Variants in CPNE4 observed in about 807,000 individuals in gnomAD.
The protein encoded by CPNE4 is copine-4.
Under a neutral mutation model 67.9 loss-of-function variants are expected in CPNE4, and 25 were observed. The ratio of observed to expected loss-of-function variants is 0.37; its 90% CI spans 0.27 to 0.51. The LOEUF (loss-of-function observed/expected upper bound fraction) is 0.51. Among genes scored for constraint, CPNE4 ranks in the 20% least tolerant of loss-of-function variants. CPNE4 has a pLI of 0.93. For synonymous variants in CPNE4, 242 were observed against 244.9 expected (o/e 0.99, Z 0.11); for missense variants, 464 against 690.8 (o/e 0.67, Z 3.68).
chr3:131,764,545 A>T (rs1045199110), intron 2 of CPNE4, among the ~76,000 whole-genome samples: 2 of 152,142 alleles, frequency 1.3e-5, no homozygotes, highest in Admixed American at 1.3e-4. Flanking sequence ...TGCTAGCTAT[A>T]CTGTGGTGAA....
intron 1 of CPNE4, among the ~76,000 whole-genome samples, chr3:132,025,206 T>C (rs2074092432): frequency 2.0e-5 from 3 of 152,210 alleles, no homozygotes; most frequent in African/African-American, 7.2e-5. Flanking sequence ...TGTTGTCTAA[T>C]GCTGGCAGCC....
intron 2 of CPNE4, among the ~76,000 whole-genome samples, chr3:131,901,294 C>G (rs1236282682): frequency 6.6e-6 from 1 of 152,204 alleles, no homozygotes; most frequent in East Asian, 1.9e-4. Flanking sequence ...TATTTCCACT[C>G]CTCGATGGAA....
In CPNE4 at chr3:131,952,716, C is replaced by A. The variant is rs549380782; in HGVS notation, c.-1-47272G>T. ...CTGGGAAGTGAGGAGCCCCTCTGCC[C>A]GGCCACCACCCCGTCTGGGAGGTGT... On this transcript the variant is annotated intron_variant, in intron 1 of 15. Transcript: ENST00000429747. 3.9e-3 allele frequency among the ~76,000 whole-genome samples: 586 copies of A among 151,868 alleles called. 3 individuals are homozygous for A. Among genetic ancestry groups the A allele is most frequent in the African/African-American group, 0.014 (565 of 41,456 alleles).
chr3:131,717,977 GTC>G (rs376739428), intron 3 of CPNE4, among the ~76,000 whole-genome samples: 61 of 116,728 alleles, frequency 5.2e-4, no homozygotes, highest in Non-Finnish European at 4.5e-4. Context: ...CTCTCTCTCT[GTC>G]TCTCTCTCTC....
At chr3:131,877,256 T>C (rs997021608) in intron 2 of CPNE4, among the ~76,000 whole-genome samples, 1 of 152,188 alleles carries the variant, frequency 6.6e-6, no homozygotes, top group African/African-American at 2.4e-5. Context: ...CAATTTTTCC[T>C]GCCTAAAATG....
intron 2 of CPNE4, among the ~76,000 whole-genome samples, chr3:131,882,327 C>T (rs1313074402): frequency 6.6e-6 from 1 of 152,082 alleles, no homozygotes; most frequent in Non-Finnish European, 1.5e-5. Flanking sequence ...CAATTAGAAT[C>T]ATTTAAGTGA....
At chr3:131,870,703 G>A (rs1360528885) in intron 2 of CPNE4, among the ~76,000 whole-genome samples, 5 of 151,874 alleles carry the variant, frequency 3.3e-5, no homozygotes, top group Admixed American at 1.3e-4. Context: ...TTGTTCCCCC[G>A]AAACCAGCTT....
chr3:131,734,086 C>A (rs1289516046), intron 2 of CPNE4, among the ~76,000 whole-genome samples: 1 of 152,162 alleles, frequency 6.6e-6, no homozygotes, highest in African/African-American at 2.4e-5. Flanking sequence ...CCTTTAGAAT[C>A]ATAAATTTTT....
chr3:131,892,973 T>A (rs2088175762), intron 2 of CPNE4, among the ~76,000 whole-genome samples: 1 of 152,094 alleles, frequency 6.6e-6, no homozygotes, highest in Non-Finnish European at 1.5e-5. Context: ...TAACCCTTTA[T>A]CCATTATTAA....
intron 2 of CPNE4, among the ~76,000 whole-genome samples, chr3:131,882,935 T>G (rs1249493145): frequency 6.6e-6 from 1 of 152,088 alleles, no homozygotes; most frequent in African/African-American, 2.4e-5. Flanking sequence ...GCCAGGATGG[T>G]CTCGATCTCC....
intron 1 of CPNE4, chr3:131,925,444 A>G (rs2070868069): frequency 6.6e-6 from 1 of 152,192 alleles, no homozygotes; most frequent in Non-Finnish European, 1.5e-5. Context: ...CCACAAAACC[A>G]TAACCTCCAT....
At chr3:132,029,216 G>A (rs1021669226) in intron 1 of CPNE4, among the ~76,000 whole-genome samples, 1 of 152,192 alleles carries the variant, frequency 6.6e-6, no homozygotes, top group Non-Finnish European at 1.5e-5. Flanking sequence ...AGAAAGGCCT[G>A]TCACGAGGAG....
At chr3:131,651,987 A>G (rs1427444577) in intron 7 of CPNE4, among the ~76,000 whole-genome samples, 3 of 152,156 alleles carry the variant, frequency 2.0e-5, no homozygotes, top group Non-Finnish European at 4.4e-5. Context: ...GTTCTACAGG[A>G]TCCAGAACTT....
intron 14 of CPNE4, among the ~76,000 whole-genome samples, chr3:131,543,871 A>G (rs1242140181): frequency 1.3e-5 from 2 of 152,186 alleles, no homozygotes; most frequent in African/African-American, 2.4e-5. Context: ...CAGTGCTCCC[A>G]TGGCTTCCTG....
intron 1 of CPNE4, among the ~76,000 whole-genome samples, chr3:132,000,527 A>G (rs1219859126): frequency 1.3e-5 from 2 of 151,624 alleles, no homozygotes; most frequent in Admixed American, 1.3e-4. Context: ...TATCAAATTT[A>G]TTAGTTACTA....
intron 1 of CPNE4, among the ~76,000 whole-genome samples, chr3:132,017,996 A>G (rs1583603672): frequency 6.6e-6 from 1 of 152,126 alleles, no homozygotes; most frequent in South Asian, 2.1e-4. Flanking sequence ...CAGATGCTCA[A>G]CTCAGAGTGT....
At chr3:131,823,498 C>T (rs1020090616) in intron 2 of CPNE4, among the ~76,000 whole-genome samples, 5 of 152,148 alleles carry the variant, frequency 3.3e-5, no homozygotes, top group African/African-American at 1.2e-4. Context: ...TTGAAATGTG[C>T]CATATGTTCT....
intron 1 of CPNE4, among the ~76,000 whole-genome samples, chr3:132,017,957 C>G (rs1477658420): frequency 6.6e-6 from 1 of 152,102 alleles, no homozygotes; most frequent in Non-Finnish European, 1.5e-5. Flanking sequence ...GCGCTGCTAT[C>G]ACTCCTCCTC....
At chr3:131,865,428 C>T (rs890851043) in intron 2 of CPNE4, among the ~76,000 whole-genome samples, 1 of 152,012 alleles carries the variant, frequency 6.6e-6, no homozygotes, top group African/African-American at 2.4e-5. Context: ...TTGTGGTAAA[C>T]ACCATCATAT....
Sources: allele counts gnomAD v4.1 joint callset (sites outside exome capture counted in the v4.1 genomes callset), GRCh38; gene constraint gnomAD v4.1.1; transcripts MANE v1.5; gene names NCBI Gene and HGNC (gene_info 2026-07-23, HGNC 2026-07-21).